Variants in EPB41L4A observed in about 807,000 individuals in gnomAD.
The protein encoded by EPB41L4A is erythrocyte membrane protein band 4.1 like 4A.
In EPB41L4A, 100 loss-of-function variants were observed where a neutral mutation model predicts 108.6. The ratio of observed to expected loss-of-function variants is 0.92; its 90% CI spans 0.78 to 1.09. EPB41L4A has a LOEUF of 1.09. EPB41L4A is among the 50% of genes least tolerant of loss of function. The pLI is 0.00. For missense variants in EPB41L4A, 1,030 were observed against 842.7 expected (o/e 1.22, Z -2.75); for synonymous variants, 319 against 289.0 (o/e 1.10, Z -1.05).
intron 1 of EPB41L4A, among the ~76,000 whole-genome samples, chr5:112,353,558 G>A (rs1186762672): frequency 6.6e-6 from 1 of 152,276 alleles, no homozygotes; most frequent in African/African-American, 2.4e-5. Context: ...GGTAGGCTCG[G>A]TGGGCCCATT....
chr5:112,153,223 A>T (rs1242001260), intron 12 of EPB41L4A, among the ~76,000 whole-genome samples: 1 of 146,774 alleles, frequency 6.8e-6, no homozygotes, highest in Non-Finnish European at 1.5e-5. Flanking sequence ...TGTCTCAAAA[A>T]TTTAAAAAAA....
intron 3 of EPB41L4A, among the ~76,000 whole-genome samples, chr5:112,278,738 TA>T (rs1752767558): frequency 6.6e-6 from 1 of 151,932 alleles, no homozygotes; most frequent in South Asian, 2.1e-4. Context: ...ACTTTTCCTA[TA>T]AAAGAAACCT....
At chr5:112,330,502 G>T (rs1231783074) in intron 1 of EPB41L4A, among the ~76,000 whole-genome samples, 4 of 152,054 alleles carry the variant, frequency 2.6e-5, no homozygotes, top group African/African-American at 9.7e-5. Context: ...GGTATCAGTG[G>T]CTTGCATGCA....
At chr5:112,177,060 C>G (rs1185245195) in intron 18 of EPB41L4A, among the ~76,000 whole-genome samples, 1 of 151,932 alleles carries the variant, frequency 6.6e-6, no homozygotes, top group Non-Finnish European at 1.5e-5. Context: ...CGGCCAGCAA[C>G]TTCTAAATGA....
chr5:112,220,661 C>A (rs1360862445), intron 12 of EPB41L4A, among the ~76,000 whole-genome samples: 11 of 152,144 alleles, frequency 7.2e-5, no homozygotes, highest in Non-Finnish European at 1.6e-4. Flanking sequence ...GACACGCTAC[C>A]CCAAACTATA....
At chr5:112,414,375 G>C (rs1377848952) in intron 1 of EPB41L4A, among the ~76,000 whole-genome samples, 1 of 152,206 alleles carries the variant, frequency 6.6e-6, no homozygotes, top group Non-Finnish European at 1.5e-5. Context: ...TCCTCTATGA[G>C]AGTGGTTCTC....
At position 112,227,691 on chromosome 5, in the gene EPB41L4A, A is replaced by C. The variant is rs556545548; in HGVS notation, c.1087+6943T>G. 5.5e-4 allele frequency among the ~76,000 whole-genome samples: 84 copies of C among 152,346 alleles called. 1 individual carries two copies. Among genetic ancestry groups the C allele is most frequent in the African/African-American group, 2.0e-3 (82 of 41,586 alleles). ...AACACAGATTTGACTGCCACAAGCC[A>C]CACTGAGGTTCTGCTGACTTGCATC... On this transcript the variant is annotated intron_variant, in intron 12 of 22. Coordinates refer to ENST00000261486, the MANE Select transcript of EPB41L4A (RefSeq NM_022140.5).
In EPB41L4A at chr5:112,262,965, G is replaced by C. The variant is rs568971346; in HGVS notation, c.555-384C>G. Among the ~76,000 whole-genome samples the C allele has an allele frequency of 5.5e-4, 84 of 152,246 alleles. 2 individuals carry two copies. The highest frequency in any genetic ancestry group is 1.9e-3 in the African/African-American group (81 of 41,550). On this transcript the variant is annotated intron_variant, in intron 6 of 22. Coordinates refer to ENST00000261486, the MANE Select transcript of EPB41L4A (RefSeq NM_022140.5). Reference sequence around the variant, plus strand: ...AGCAGCTCTCCATCCAAAGCAAAGGGAACTAGAGCAATGGTCAGCAGGAGG... The same window carrying C: ...AGCAGCTCTCCATCCAAAGCAAAGGCAACTAGAGCAATGGTCAGCAGGAGG...
At chr5:112,245,637 G>A (rs1309505035) in intron 9 of EPB41L4A, among the ~76,000 whole-genome samples, 1 of 152,166 alleles carries the variant, frequency 6.6e-6, no homozygotes, top group Non-Finnish European at 1.5e-5. Context: ...GATGACAAGG[G>A]AATAGACAAT....
intron 12 of EPB41L4A, among the ~76,000 whole-genome samples, chr5:112,155,295 AT>A (rs1298045721): frequency 6.6e-6 from 1 of 151,990 alleles, no homozygotes; most frequent in Non-Finnish European, 1.5e-5. Context: ...CTCAAACAAC[AT>A]TTCAGATGAT....
At chr5:112,280,353 A>C (rs749976197) in intron 2 of EPB41L4A, 30 bp from the exon 3 acceptor site, 1 of 1,600,874 alleles carries the variant, frequency 6.2e-7, no homozygotes, top group Admixed American at 1.7e-5. Context: ...ACAATTAAAG[A>C]AATTAGTTGC....
chr5:112,318,998 G>A (rs1755595287), intron 1 of EPB41L4A, among the ~76,000 whole-genome samples: 1 of 152,158 alleles, frequency 6.6e-6, no homozygotes, highest in African/African-American at 2.4e-5. Flanking sequence ...ACATTAGCTT[G>A]TTATAGGAAA....
chr5:112,384,933 C>T (rs1235299892), intron 1 of EPB41L4A, among the ~76,000 whole-genome samples: 1 of 152,228 alleles, frequency 6.6e-6, no homozygotes, highest in African/African-American at 2.4e-5. Context: ...CAGCCCCATC[C>T]ATTTGCTAGG....
intron 15 of EPB41L4A, among the ~76,000 whole-genome samples, chr5:112,198,531 T>C (rs1018558065): frequency 1.3e-5 from 2 of 152,236 alleles, no homozygotes; most frequent in Non-Finnish European, 2.9e-5. Flanking sequence ...TAATGTCACA[T>C]CCTTCAGTTC....
intron 12 of EPB41L4A, among the ~76,000 whole-genome samples, chr5:112,223,360 T>C (rs933046831): frequency 2.6e-5 from 4 of 152,170 alleles, no homozygotes; most frequent in Non-Finnish European, 5.9e-5. Flanking sequence ...GAGTAACTTA[T>C]GGCCAAACAG....
intron 15 of EPB41L4A, among the ~76,000 whole-genome samples, chr5:112,198,215 T>C (rs1580414082): frequency 6.6e-6 from 1 of 152,020 alleles, no homozygotes; most frequent in South Asian, 2.1e-4. Context: ...GTATTTTTAG[T>C]AGAGACAGGG....
rs78985860 is a variant in EPB41L4A at position 112,200,477 on chromosome 5, A to G, written c.1376+3898T>C. 7.0e-3 allele frequency among the ~76,000 whole-genome samples: 1,072 copies of G among 152,318 alleles called. 16 individuals are homozygous for G. Among genetic ancestry groups the G allele is most frequent in the African/African-American group, 0.024 (1,017 of 41,574 alleles). ...ATAGCTTACCTTCATATTATGTATT[A>G]AAGTCACAATGGCACATATATTCCT... On this transcript the variant is annotated intron_variant, in intron 15 of 22. Coordinates refer to ENST00000261486, the MANE Select transcript of EPB41L4A (RefSeq NM_022140.5).
intron 11 of EPB41L4A, among the ~76,000 whole-genome samples, chr5:112,235,071 T>A (rs1365285929): frequency 6.6e-6 from 1 of 152,128 alleles, no homozygotes; most frequent in African/African-American, 2.4e-5. Context: ...CACTAAATAA[T>A]AAAGAAATTA....
chr5:112,335,352 G>GA (rs759519362), intron 1 of EPB41L4A, among the ~76,000 whole-genome samples: 1 of 152,030 alleles, frequency 6.6e-6, no homozygotes, highest in Non-Finnish European at 1.5e-5. Context: ...CGATTTAACA[G>GA]AAAAAAAGTG....
Sources: gnomAD v4.1 joint callset for allele counts (sites outside exome capture counted in the v4.1 genomes callset) on GRCh38, gnomAD v4.1.1 for gene constraint, MANE v1.5 for transcripts, NCBI Gene and HGNC (gene_info 2026-07-23, HGNC 2026-07-21) for gene names.